DEFB108B: variants seen among roughly 807,000 people sequenced by gnomAD.
DEFB108B encodes the protein beta-defensin 108B.
In DEFB108B, 3 loss-of-function variants were observed where a neutral mutation model predicts 2.4. The ratio of observed to expected loss-of-function variants is 1.25; its 90% CI spans 0.57 to 3.24. DEFB108B has a LOEUF of 3.24. Ranked by LOEUF, DEFB108B falls within the 30% of genes most tolerant of loss-of-function variation. The pLI, the probability that DEFB108B is intolerant of heterozygous loss-of-function variation, is 0.03. For synonymous variants in DEFB108B, 25 were observed against 28.7 expected, an observed-to-expected ratio of 0.87 and a Z score of 0.41; for missense variants, 101 against 87.8, an observed-to-expected ratio of 1.15 and a Z score of -0.60.
chr11:71,837,138 G>A lies in DEFB108B; in HGVS notation c.59-261G>A, dbSNP rs564543770. ...ACTTGCATGCTCTAGAACTTGTAAA[G>A]GGGAGCGGGCTACTCACCTCCAGCC... On this transcript the variant is annotated intron_variant, in intron 1 of 1. Coordinates refer to ENST00000328698, the MANE Select transcript of DEFB108B (RefSeq NM_001002035.2). 28 of 462,070 alleles carry A rather than the reference G, an allele frequency of 6.1e-5. No individual in the cohort carries two copies. In the South Asian group the frequency reaches 7.3e-4, roughly 12 times the overall value. The allele number at this position is 462,070 out of a possible 1,614,324, so 28.6% of individuals were successfully genotyped here. A position where few individuals can be genotyped will look rare whatever the true frequency, so the allele number is the denominator to read the frequency against.
chr11:71,834,991 AC>A (rs1330593930), intron 1 of DEFB108B: 5 of 152,234 alleles, frequency 3.3e-5, no homozygotes, highest in African/African-American at 1.2e-4. Flanking sequence ...ACAAATGAAA[AC>A]AAAAGATTTT....
At chr11:71,833,289 C>T (rs551256588) in intron 1 of DEFB108B, 32 bp downstream of exon 1, 6 of 1,558,130 alleles carry the variant, frequency 3.9e-6, no homozygotes, top group East Asian at 2.2e-5. Context: ...GAGTAGAGTG[C>T]CTAACACCTT....
At chr11:71,836,443 C>T (rs1416181514) in intron 1 of DEFB108B, among the ~76,000 whole-genome samples, 1 of 151,720 alleles carries the variant, frequency 6.6e-6, no homozygotes, top group Non-Finnish European at 1.5e-5. Context: ...CTTTTGTGTT[C>T]CAGAATAGAA....
At chr11:71,834,490 T>C (rs1952202335) in intron 1 of DEFB108B, among the ~76,000 whole-genome samples, 1 of 152,210 alleles carries the variant, frequency 6.6e-6, no homozygotes, top group African/African-American at 2.4e-5. Flanking sequence ...TTTTGTTGTT[T>C]TCATTGTCAC....
At chr11:71,837,364 G>A in intron 1 of DEFB108B, 35 bp from the exon 2 acceptor site, 2 of 1,609,044 alleles carry the variant, frequency 1.2e-6, no homozygotes, top group Non-Finnish European at 1.7e-6. Context: ...AAGAAAGACT[G>A]GTGAATGGTT....
chr11:71,837,177 G>C (rs1180298238), intron 1 of DEFB108B: 4 of 572,674 alleles, frequency 7.0e-6, no homozygotes, highest in African/African-American at 3.8e-5. Context: ...TGTCATGTAG[G>C]TGCACCCAAT....
In DEFB108B at chr11:71,837,704, C is replaced by T; in HGVS notation, c.*142C>T. 1.7e-6 allele frequency: 2 copies of T among 1,186,614 alleles called. No individual in the cohort carries two copies. The highest frequency in any genetic ancestry group is 2.5e-5 in the East Asian group (1 of 39,540). The allele number at this position is 1,186,614 out of a possible 1,614,324, so 73.5% of individuals were successfully genotyped here. On this transcript the variant is annotated 3_prime_UTR_variant, in exon 2 of 2. Coordinates refer to ENST00000328698, the MANE Select transcript of DEFB108B (RefSeq NM_001002035.2). Reference sequence around the variant, plus strand: ...AAAAGAATAAACCAAAACCAACCAGCACAAAACTCTTTTAAAAGTTTATAT... The same window carrying T: ...AAAAGAATAAACCAAAACCAACCAGTACAAAACTCTTTTAAAAGTTTATAT...
At chr11:71,836,730 A>G (rs1433240849) in intron 1 of DEFB108B, among the ~76,000 whole-genome samples, 1 of 152,184 alleles carries the variant, frequency 6.6e-6, no homozygotes, top group Admixed American at 6.5e-5. Flanking sequence ...GCAACCTCAA[A>G]TACCCGTGCC....
rs945833590 is a variant in DEFB108B, at chr11:71,836,956, GTGTGTGTC to G, written c.59-435_59-428del. ...ATAGAGTGTGTGTTTGTGTGTGTGT[GTGTGTGTC>G]TGTGTGTGTAGAAATAAAAAGAGAT... On this transcript the variant is annotated intron_variant, in intron 1 of 1. Transcript: ENST00000328698. 3.8e-4 allele frequency: 45 copies of G among 119,374 alleles called. 1 individual carries two copies. The highest frequency in any genetic ancestry group is 6.1e-4 in the Admixed American group (8 of 13,166). 7.4% of individuals were successfully genotyped at this position (119,374 alleles called of 1,614,324 possible).
intron 1 of DEFB108B, among the ~76,000 whole-genome samples, chr11:71,835,875 T>C (rs1952213247): frequency 6.6e-6 from 1 of 152,202 alleles, no homozygotes; most frequent in Non-Finnish European, 1.5e-5. Flanking sequence ...GAGAATAAGA[T>C]ATGATTCCTG....
chr11:71,836,135 G>A lies in DEFB108B; in HGVS notation c.59-1264G>A, dbSNP rs540394647. On this transcript the variant is annotated intron_variant, in intron 1 of 1. Coordinates refer to ENST00000328698, the MANE Select transcript of DEFB108B (RefSeq NM_001002035.2). ...AGTAGCTGACTACTTACAGATAAAA[G>A]GAAGAGATGGAAAGCTCAGGGATCA... is the stretch of plus-strand genomic sequence containing the variant. 7.9e-4 allele frequency among the ~76,000 whole-genome samples: 120 copies of A among 152,240 alleles called. 1 individual carries two copies. The highest frequency in any genetic ancestry group is 2.8e-3 in the African/African-American group (117 of 41,538).
rs184703981 is a variant in DEFB108B, at chr11:71,836,816, G to A, written c.59-583G>A. 8.7e-3 allele frequency among the ~76,000 whole-genome samples: 1,327 copies of A among 152,230 alleles called. 9 individuals are homozygous for A. The highest frequency in any genetic ancestry group is 0.012 in the Non-Finnish European group (824 of 68,018). On this transcript the variant is annotated intron_variant, in intron 1 of 1. Coordinates refer to ENST00000328698, the MANE Select transcript of DEFB108B (RefSeq NM_001002035.2). Reference sequence around the variant, plus strand: ...GATATATTTGTGTATTAAACACATAGGAATATTGTTCCCTTCCACAGGAAA... The same window carrying A: ...GATATATTTGTGTATTAAACACATAAGAATATTGTTCCCTTCCACAGGAAA...
intron 1 of DEFB108B, among the ~76,000 whole-genome samples, chr11:71,833,588 AAC>A (rs1952194687): frequency 6.6e-6 from 1 of 152,232 alleles, no homozygotes; most frequent in Admixed American, 6.5e-5. Flanking sequence ...TTCCTTCAGC[AAC>A]AGTTAGTTTT....
At position 71,836,804 on chromosome 11, in the gene DEFB108B, A is replaced by C. The variant is rs1186142577; in HGVS notation, c.59-595A>C. On this transcript the variant is annotated intron_variant, in intron 1 of 1. Coordinates refer to ENST00000328698, the MANE Select transcript of DEFB108B (RefSeq NM_001002035.2). ...AGTACTGGCACAGATATATTTGTGT[A>C]TTAAACACATAGGAATATTGTTCCC... 2.0e-5 allele frequency among the ~76,000 whole-genome samples: 3 copies of C among 152,228 alleles called. No individual in the cohort carries two copies. The East Asian group carries it at 5.8e-4, about 29-fold the overall frequency.
intron 1 of DEFB108B, among the ~76,000 whole-genome samples, chr11:71,835,600 C>T (rs1952211316): frequency 6.6e-6 from 1 of 152,012 alleles, no homozygotes; most frequent in Admixed American, 6.5e-5. Context: ...GATATACACC[C>T]AGTAGTGAGA....
chr11:71,833,710 C>T (rs1303281803), intron 1 of DEFB108B, among the ~76,000 whole-genome samples: 8 of 152,130 alleles, frequency 5.3e-5, no homozygotes, highest in Admixed American at 2.0e-4. Flanking sequence ...AATCTTTAAC[C>T]TATTGCTCCC....
intron 1 of DEFB108B, among the ~76,000 whole-genome samples, chr11:71,836,843 A>T (rs1438476267): frequency 1.3e-5 from 2 of 152,220 alleles, no homozygotes; most frequent in African/African-American, 4.8e-5. Flanking sequence ...CACAGGAAAA[A>T]TATCCTCTCT....
chr11:71,835,300 T>C (rs1945051), intron 1 of DEFB108B, among the ~76,000 whole-genome samples: 93,438 of 151,900 alleles, frequency 0.62, 29,128 homozygotes, highest in South Asian at 0.66. Context: ...CATGTGCACT[T>C]ATTGCTCGGC....
chr11:71,834,277 G>A (rs1473281457), intron 1 of DEFB108B, among the ~76,000 whole-genome samples: 9 of 152,020 alleles, frequency 5.9e-5, no homozygotes, highest in South Asian at 2.1e-4. Flanking sequence ...ACACAACATC[G>A]GGGACTGACT....
Sources: allele counts gnomAD v4.1 joint callset (sites outside exome capture counted in the v4.1 genomes callset), GRCh38; gene constraint gnomAD v4.1.1; transcripts MANE v1.5; gene names NCBI Gene and HGNC (gene_info 2026-07-23, HGNC 2026-07-21).